The following MEGF6 variants were observed in gnomAD, a reference collection of about 807,000 sequenced individuals.
The protein encoded by MEGF6 is multiple epidermal growth factor-like domains protein 6.
In MEGF6, 184 loss-of-function variants were observed where a neutral mutation model predicts 207.1. The observed-to-expected ratio is 0.89, with a 90% confidence interval of 0.79 to 1.00. The LOEUF (loss-of-function observed/expected upper bound fraction) is 1.00. Among genes scored for constraint, MEGF6 ranks in the 50% least tolerant of loss-of-function variants. The probability of loss-of-function intolerance (pLI) is 0.00; values close to 1 mark genes in which losing one functional copy is unlikely to be tolerated. For missense variants in MEGF6, 2,282 were observed against 2,202.9 expected (o/e 1.04, Z -0.72); for synonymous variants, 1,038 against 910.0 (o/e 1.14, Z -2.53).
At chr1:3,510,574 C>T (rs113719231) in intron 10 of MEGF6, among the ~76,000 whole-genome samples, 646 of 102,874 alleles carry the variant, frequency 6.3e-3, no homozygotes, top group African/African-American at 0.017. Context: ...CCAACACCCA[C>T]AGCCCTGCAC....
At chr1:3,500,805 C>T (rs772082879) in intron 20 of MEGF6, 41 bp from the exon 21 acceptor site, 33 of 1,595,474 alleles carry the variant, frequency 2.1e-5, no homozygotes, top group East Asian at 1.1e-4. Flanking sequence ...GGCCCAAGCG[C>T]GGGCCACGGG....
intron 4 of MEGF6, among the ~76,000 whole-genome samples, chr1:3,570,377 G>C (rs1643462827): frequency 6.6e-6 from 1 of 152,198 alleles, no homozygotes; most frequent in South Asian, 2.1e-4. Flanking sequence ...CGGGACTCGG[G>C]GGATTTCCAG....
intron 4 of MEGF6, among the ~76,000 whole-genome samples, chr1:3,538,072 C>G (rs902423922): frequency 3.9e-5 from 6 of 152,188 alleles, no homozygotes; most frequent in African/African-American, 1.4e-4. Flanking sequence ...AATCTGCCTT[C>G]GTGGGCTCAA....
At chr1:3,598,380 G>T (rs1644104828) in intron 2 of MEGF6, among the ~76,000 whole-genome samples, 1 of 152,248 alleles carries the variant, frequency 6.6e-6, no homozygotes, top group African/African-American at 2.4e-5. Context: ...GACGCTCTGG[G>T]AGCGCCTTGC....
rs922729681 is a variant in MEGF6, at chr1:3,488,122, T to C, written c.*2406A>G. On this transcript the variant is annotated 3_prime_UTR_variant, in exon 37 of 37. Coordinates refer to ENST00000356575, the MANE Select transcript of MEGF6 (RefSeq NM_001409.4). ...TGTTGAGAATGTTCAATATCCTCCT[T>C]CTTGCTGCTTGAAACTATATAATAT... 3.9e-5 allele frequency among the ~76,000 whole-genome samples: 6 copies of C among 152,116 alleles called. No individual in the cohort carries two copies. Among genetic ancestry groups the C allele is most frequent in the Non-Finnish European group, 5.9e-5 (4 of 68,032 alleles).
chr1:3,614,686 G>T (rs1644363962), upstream of MEGF6, among the ~76,000 whole-genome samples: 1 of 152,240 alleles, frequency 6.6e-6, no homozygotes, highest in Admixed American at 6.5e-5. Context: ...TTGCTTAGAA[G>T]TAAGCACTAA....
chr1:3,552,599 C>T (rs867485441), intron 4 of MEGF6, among the ~76,000 whole-genome samples: 5 of 152,336 alleles, frequency 3.3e-5, no homozygotes, highest in South Asian at 2.1e-4. Context: ...GAGGCTAAGG[C>T]AGGAGGATCG....
At chr1:3,501,591 G>A (rs940237372) in intron 18 of MEGF6, among the ~76,000 whole-genome samples, 2 of 152,132 alleles carry the variant, frequency 1.3e-5, no homozygotes, top group East Asian at 1.9e-4. Context: ...GGAGCAGCCC[G>A]AGAGGGCAGC....
At chr1:3,524,066 C>G in intron 5 of MEGF6, 58 bp downstream of exon 5, 1 of 1,576,574 alleles carries the variant, frequency 6.3e-7, no homozygotes, top group South Asian at 1.1e-5. Flanking sequence ...GGGCACACCC[C>G]AGAGGGTAGG....
chr1:3,523,274 TGG>T (rs1641832232), intron 5 of MEGF6, among the ~76,000 whole-genome samples: 1 of 152,138 alleles, frequency 6.6e-6, no homozygotes, highest in South Asian at 2.1e-4. Context: ...CGTCCTTGCT[TGG>T]GGCGCCTGTG....
intron 5 of MEGF6, among the ~76,000 whole-genome samples, chr1:3,516,265 C>A (rs1330965707): frequency 6.6e-6 from 1 of 152,210 alleles, no homozygotes; most frequent in Non-Finnish European, 1.5e-5. Flanking sequence ...GGCGCTGGGC[C>A]AGGCTGGGCA....
chr1:3,562,461 T>C (rs1308606951), intron 4 of MEGF6, among the ~76,000 whole-genome samples: 1 of 152,118 alleles, frequency 6.6e-6, no homozygotes, highest in Non-Finnish European at 1.5e-5. Flanking sequence ...CCTCGCATAG[T>C]CAATACCCAC....
chr1:3,576,724 CCTCAGCCCTGCACACTCCACCCTGCATG>C, intron 4 of MEGF6, among the ~76,000 whole-genome samples: 1 of 147,026 alleles, frequency 6.8e-6, no homozygotes, highest in South Asian at 2.2e-4. Context: ...AGTCCTGCAC[CCTCAGCCCTGCACACTCCACCCTGCATG>C]CCCAGCCCTG....
At chr1:3,530,274 G>A (rs1440919863) in intron 4 of MEGF6, among the ~76,000 whole-genome samples, 4 of 152,234 alleles carry the variant, frequency 2.6e-5, no homozygotes, top group African/African-American at 4.8e-5. Flanking sequence ...TCACGCAGGA[G>A]AGAGGCAGAA....
intron 4 of MEGF6, among the ~76,000 whole-genome samples, chr1:3,575,918 G>A (rs538777483): frequency 3.9e-5 from 6 of 152,262 alleles, no homozygotes; most frequent in East Asian, 1.9e-4. Context: ...CCCACTTCCC[G>A]ACCCTTCTGC....
chr1:3,576,819 T>C (rs945268479), intron 4 of MEGF6, among the ~76,000 whole-genome samples: 15 of 143,572 alleles, frequency 1.0e-4, no homozygotes, highest in Non-Finnish European at 1.5e-4. Flanking sequence ...GGCCTGGCCC[T>C]GCACATCCAG....
At chr1:3,539,264 C>T (rs945960620) in intron 4 of MEGF6, among the ~76,000 whole-genome samples, 12 of 152,202 alleles carry the variant, frequency 7.9e-5, no homozygotes, top group Admixed American at 6.5e-4. Context: ...CAGGCAGCAG[C>T]GGCCTCCCAT....
intron 4 of MEGF6, among the ~76,000 whole-genome samples, chr1:3,540,271 C>T (rs540125328): frequency 1.2e-4 from 18 of 152,350 alleles, no homozygotes; most frequent in East Asian, 1.2e-3. Flanking sequence ...CGCAGCGCCT[C>T]GGACGGAGCA....
At chr1:3,613,010 G>A (rs540284528), upstream of MEGF6, among the ~76,000 whole-genome samples, 3 of 152,150 alleles carry the variant, frequency 2.0e-5, no homozygotes, top group African/African-American at 7.2e-5. Flanking sequence ...GGGGACCTTC[G>A]CCTAACCCTG....
Sources: gnomAD v4.1 joint callset for allele counts (sites outside exome capture counted in the v4.1 genomes callset) on GRCh38, gnomAD v4.1.1 for gene constraint, MANE v1.5 for transcripts, NCBI Gene and HGNC (gene_info 2026-07-23, HGNC 2026-07-21) for gene names.